Variants in TRDN observed in about 807,000 individuals in gnomAD.
The protein encoded by TRDN is triadin in skeletal muscle.
TRDN carries 161 observed loss-of-function variants against 149.7 expected under a neutral mutation model. That is an observed-to-expected ratio of 1.08 (90% CI 0.95 to 1.23). The LOEUF (loss-of-function observed/expected upper bound fraction) is 1.23. Among genes scored for constraint, TRDN ranks in the 50% most tolerant of loss-of-function variants. TRDN has a pLI of 0.00. For missense variants in TRDN, 896 were observed against 823.5 expected (o/e 1.09, Z -1.08); for synonymous variants, 294 against 250.5 (o/e 1.17, Z -1.64).
chr6:123,557,818 T>A (rs187383692), intron 2 of TRDN, among the ~76,000 whole-genome samples: 2 of 150,160 alleles, frequency 1.3e-5, no homozygotes, highest in African/African-American at 4.9e-5. Flanking sequence ...CCCCACCCCT[T>A]CTCTCCATGT....
chr6:123,407,433 C>T (rs930882642), intron 12 of TRDN, among the ~76,000 whole-genome samples: 1 of 152,112 alleles, frequency 6.6e-6, no homozygotes, highest in East Asian at 1.9e-4. Context: ...TTCTGATCCT[C>T]GTAGTGCAAT....
chr6:123,352,550 G>C lies in TRDN; in HGVS notation c.1358C>G (p.Thr453Arg). 6.2e-7 allele frequency: 1 copy of C among 1,610,944 alleles called. No individual in the cohort carries two copies. The highest frequency in any genetic ancestry group is 8.5e-7 in the Non-Finnish European group (1 of 1,178,276). The change falls in exon 21 of 41, where the codon ACA becomes AGA. Residue 453 changes from threonine to arginine, a missense_variant. Transcript: ENST00000334268. ...PGKKEEKTTK[T>R]VEQEIRKEKS... ...TCATTTTTTTTTACCTTGCTCCACT[G>C]TCTTGGTTGTTTTCTCTTCCTTCTT...
At chr6:123,554,000 T>C (rs1217167501) in intron 2 of TRDN, among the ~76,000 whole-genome samples, 1 of 152,170 alleles carries the variant, frequency 6.6e-6, no homozygotes, top group Non-Finnish European at 1.5e-5. Flanking sequence ...CAATGCTCCA[T>C]AAATGCAGGC....
At chr6:123,278,510 G>T (rs1191736171) in intron 25 of TRDN, among the ~76,000 whole-genome samples, 163 bp from the exon 26 acceptor site, 1 of 152,072 alleles carries the variant, frequency 6.6e-6, no homozygotes, top group Non-Finnish European at 1.5e-5. Context: ...ATATTCTTAT[G>T]ATTGTGGCAA....
intron 38 of TRDN, 125 bp downstream of exon 38, chr6:123,252,287 T>C: frequency 2.2e-6 from 1 of 457,618 alleles, no homozygotes; most frequent in South Asian, 5.9e-5. Context: ...TAAATTCCTG[T>C]CAGAGGATTC....
chr6:123,352,271 C>A (rs1034667632), intron 21 of TRDN: 13 of 984,770 alleles, frequency 1.3e-5, no homozygotes, highest in Non-Finnish European at 1.4e-5. Flanking sequence ...TTATTCCCAG[C>A]AATCTTCAGC....
chr6:123,461,868 T>A (rs1776467666), intron 10 of TRDN, among the ~76,000 whole-genome samples: 1 of 152,178 alleles, frequency 6.6e-6, no homozygotes, highest in Non-Finnish European at 1.5e-5. Context: ...CTCACATAAG[T>A]CAGCCCAATT....
intron 24 of TRDN, among the ~76,000 whole-genome samples, chr6:123,310,870 C>T (rs141531671): frequency 6.6e-6 from 1 of 151,864 alleles, no homozygotes; most frequent in African/African-American, 2.4e-5. Flanking sequence ...GAATTGAGCC[C>T]CAGAATTTAA....
chr6:123,528,494 TCA>T (rs1780060744), intron 5 of TRDN, among the ~76,000 whole-genome samples: 1 of 152,002 alleles, frequency 6.6e-6, no homozygotes, highest in African/African-American at 2.4e-5. Context: ...CTTTTTGGTC[TCA>T]GATATTTATT....
At chr6:123,600,152 A>C (rs905447956) in intron 1 of TRDN, among the ~76,000 whole-genome samples, 1 of 152,044 alleles carries the variant, frequency 6.6e-6, no homozygotes, top group Admixed American at 6.6e-5. Flanking sequence ...TGCTCCAAAA[A>C]TGTGTACTGT....
chr6:123,235,989 TA>T (rs1174621145), intron 38 of TRDN, among the ~76,000 whole-genome samples: 1 of 152,216 alleles, frequency 6.6e-6, no homozygotes, highest in Non-Finnish European at 1.5e-5. Flanking sequence ...ATAGCTGCAA[TA>T]AACATTTATG....
chr6:123,530,230 A>G lies in TRDN; in HGVS notation c.484+276T>C, dbSNP rs1780171546. 5.3e-5 allele frequency among the ~76,000 whole-genome samples: 8 copies of G among 152,170 alleles called. No individual in the cohort carries two copies. The South Asian group carries it at 1.7e-3, about 32-fold the overall frequency. On this transcript the variant is annotated intron_variant, in intron 5 of 40. Coordinates refer to ENST00000334268, the MANE Select transcript of TRDN (RefSeq NM_006073.4). Reference sequence around the variant, plus strand: ...TTATTTCCTCAGTAAATCAATATGTATTTGAGCTACTCTCTTAGTAATTGT... The same window carrying G: ...TTATTTCCTCAGTAAATCAATATGTGTTTGAGCTACTCTCTTAGTAATTGT...
chr6:123,382,390 A>T lies in TRDN; in HGVS notation c.1136-243T>A, dbSNP rs539992597. 4.6e-5 allele frequency among the ~76,000 whole-genome samples: 7 copies of T among 151,570 alleles called. No individual in the cohort carries two copies. The East Asian group carries it at 1.4e-3, about 29-fold the overall frequency. ...ATTAATAATATTTTATAAAGAATAT[A>T]AAACATTGAAAAATATAAAGGAAAA... On this transcript the variant is annotated intron_variant, in intron 14 of 40. Coordinates refer to ENST00000334268, the MANE Select transcript of TRDN (RefSeq NM_006073.4).
intron 38 of TRDN, among the ~76,000 whole-genome samples, chr6:123,231,615 A>G (rs1311343406): frequency 6.6e-6 from 1 of 152,048 alleles, no homozygotes; most frequent in Non-Finnish European, 1.5e-5. Context: ...GAAATGTAGA[A>G]TTTATTCCAA....
At chr6:123,307,755 T>C (rs1164116466) in intron 24 of TRDN, among the ~76,000 whole-genome samples, 1 of 152,048 alleles carries the variant, frequency 6.6e-6, no homozygotes, top group Non-Finnish European at 1.5e-5. Flanking sequence ...CTGTAGTCCC[T>C]GATCTTTCTG....
intron 10 of TRDN, among the ~76,000 whole-genome samples, chr6:123,453,574 G>A (rs1477997252): frequency 6.6e-6 from 1 of 150,704 alleles, no homozygotes; most frequent in East Asian, 1.9e-4. Context: ...CCTTACTCCT[G>A]CAAGAATGGC....
At chr6:123,628,083 A>G (rs1421099261) in intron 1 of TRDN, among the ~76,000 whole-genome samples, 3 of 152,144 alleles carry the variant, frequency 2.0e-5, no homozygotes, top group African/African-American at 7.2e-5. Flanking sequence ...GTTCAGTAGC[A>G]CTTTTAATTT....
At chr6:123,415,190 C>T (rs2114524422) in intron 12 of TRDN, among the ~76,000 whole-genome samples, 1 of 152,308 alleles carries the variant, frequency 6.6e-6, no homozygotes, top group African/African-American at 2.4e-5. Flanking sequence ...ATTGAGTGAT[C>T]AGGCTGAACT....
chr6:123,328,044 G>T (rs1487481183), intron 23 of TRDN, among the ~76,000 whole-genome samples: 1 of 152,066 alleles, frequency 6.6e-6, no homozygotes, highest in Non-Finnish European at 1.5e-5. Flanking sequence ...TATCAACCTA[G>T]TCTAAATCAC....
Sources: allele counts gnomAD v4.1 joint callset (sites outside exome capture counted in the v4.1 genomes callset), GRCh38; gene constraint gnomAD v4.1.1; transcripts MANE v1.5; gene names NCBI Gene and HGNC (gene_info 2026-07-23, HGNC 2026-07-21).